Variants in NT5C2 observed in about 807,000 individuals in gnomAD.
NT5C2 encodes the protein 5'-nucleotidase, cytosolic II, also known as cytosolic purine 5'-nucleotidase.
NT5C2 carries 58 observed loss-of-function variants against 76.1 expected under a neutral mutation model. The ratio of observed to expected loss-of-function variants is 0.76; its 90% CI spans 0.62 to 0.95. The LOEUF (loss-of-function observed/expected upper bound fraction) is 0.95. Ranked by LOEUF, NT5C2 falls within the 40% of genes least tolerant of loss-of-function variation. NT5C2 has a pLI of 0.00. For missense variants in NT5C2, 478 were observed against 690.3 expected (o/e 0.69, Z 3.45); for synonymous variants, 229 against 237.4 (o/e 0.96, Z 0.32).
intron 3 of NT5C2, among the ~76,000 whole-genome samples, chr10:103,158,587 G>C (rs532176507): frequency 8.5e-5 from 13 of 152,192 alleles, no homozygotes; most frequent in African/African-American, 3.1e-4. Context: ...GAAGGCCAAG[G>C]CAGGCGATCA....
intron 4 of NT5C2, among the ~76,000 whole-genome samples, chr10:103,131,339 A>G (rs952454439): frequency 1.3e-5 from 2 of 152,254 alleles, no homozygotes; most frequent in African/African-American, 4.8e-5. Flanking sequence ...TTTATAGTTC[A>G]TTCTATGGTC....
chr10:103,129,629 G>C (rs1472697582), intron 4 of NT5C2, among the ~76,000 whole-genome samples: 1 of 103,342 alleles, frequency 9.7e-6, no homozygotes, highest in African/African-American at 3.9e-5. Context: ...AGGTGGGGGG[G>C]GGTCAGCCCC....
chr10:103,180,200 A>G (rs1259766881), intron 2 of NT5C2, among the ~76,000 whole-genome samples: 1 of 152,216 alleles, frequency 6.6e-6, no homozygotes, highest in African/African-American at 2.4e-5. Context: ...AAAACACAAT[A>G]AGATACCAAA....
chr10:103,145,352 G>C (rs117827023), intron 3 of NT5C2, among the ~76,000 whole-genome samples: 1 of 152,122 alleles, frequency 6.6e-6, no homozygotes, highest in South Asian at 2.1e-4. Flanking sequence ...GCAAAACAAA[G>C]TGTTAGGTAC....
chr10:103,160,097 T>C (rs1033059881), intron 3 of NT5C2, among the ~76,000 whole-genome samples: 18 of 152,338 alleles, frequency 1.2e-4, no homozygotes, highest in African/African-American at 4.1e-4. Flanking sequence ...CATACATCTA[T>C]GTTCAAATGA....
rs2081470315 is a variant in NT5C2, at chr10:103,146,310, C to A, written c.102-6831G>T. ...TTTCTTTGGCAATGGTGAACTTTAT[C>A]TGTAACTCCTCCCCTTGCCTAGGAG... On this transcript the variant is annotated intron_variant, in intron 3 of 18. Transcript: ENST00000404739. 3 of 985,448 alleles carry A rather than the reference C, an allele frequency of 3.0e-6. No individual in the cohort carries two copies. The South Asian group carries it at 1.4e-4, about 46-fold the overall frequency. The allele number at this position is 985,448 out of a possible 1,614,324, so 61.0% of individuals were successfully genotyped here. A position where few individuals can be genotyped will look rare whatever the true frequency, so the allele number is the denominator to read the frequency against.
chr10:103,090,147 G>A (rs1323144569), intron 18 of NT5C2: 4 of 436,680 alleles, frequency 9.2e-6, no homozygotes, highest in Middle Eastern at 5.8e-4. Context: ...AAGATGGAGA[G>A]GGGAGTTTAC....
At chr10:103,146,775 A>G (rs892156027) in intron 3 of NT5C2, among the ~76,000 whole-genome samples, 1 of 152,170 alleles carries the variant, frequency 6.6e-6, no homozygotes, top group Non-Finnish European at 1.5e-5. Flanking sequence ...CTTCCATTCA[A>G]TTCACAGTGC....
intron 4 of NT5C2, among the ~76,000 whole-genome samples, chr10:103,119,645 G>C (rs6584539): frequency 0.32 from 47,998 of 152,062 alleles, 7,663 homozygotes; most frequent in Middle Eastern, 0.36. Flanking sequence ...GAGACCTCTC[G>C]TCACAGTAAG....
chr10:103,106,771 G>T, intron 4 of NT5C2, 65 bp from the exon 5 acceptor site: 1 of 976,840 alleles, frequency 1.0e-6, no homozygotes, highest in Non-Finnish European at 1.6e-6. Context: ...GAATGCAAAT[G>T]AATGAATTTC....
At chr10:103,143,769 A>G (rs1163825597) in intron 3 of NT5C2, among the ~76,000 whole-genome samples, 1 of 151,992 alleles carries the variant, frequency 6.6e-6, no homozygotes, top group African/African-American at 2.4e-5. Flanking sequence ...CAGCCTGGGC[A>G]ATATAGTGAG....
chr10:103,171,456 T>C (rs929197567), intron 3 of NT5C2, among the ~76,000 whole-genome samples: 2 of 152,204 alleles, frequency 1.3e-5, no homozygotes, highest in Non-Finnish European at 2.9e-5. Context: ...CTTTTTCCTG[T>C]AGCCCAGAAA....
chr10:103,163,614 T>A (rs1235807018), intron 3 of NT5C2, among the ~76,000 whole-genome samples: 2 of 152,060 alleles, frequency 1.3e-5, no homozygotes, highest in Non-Finnish European at 2.9e-5. Flanking sequence ...ATTTTCATAT[T>A]GTTAAATTTT....
At chr10:103,148,369 G>A (rs2081855948) in intron 3 of NT5C2, among the ~76,000 whole-genome samples, 1 of 152,224 alleles carries the variant, frequency 6.6e-6, no homozygotes, top group African/African-American at 2.4e-5. Context: ...TTGGGAGGCT[G>A]AGGCGGGTGG....
chr10:103,173,742 TGG>T (rs1012917221), intron 3 of NT5C2, among the ~76,000 whole-genome samples: 70 of 147,974 alleles, frequency 4.7e-4, no homozygotes, highest in African/African-American at 1.6e-3. Flanking sequence ...CTGGCCAAGA[TGG>T]TGAAACCCTG....
intron 3 of NT5C2, among the ~76,000 whole-genome samples, chr10:103,159,225 AGAGT>A (rs1014434969): frequency 4.7e-5 from 7 of 150,006 alleles, no homozygotes; most frequent in African/African-American, 1.5e-4. Flanking sequence ...CCTAGGTAAC[AGAGT>A]GAGACCTCAT....
chr10:103,154,209 G>A (rs2082909485), intron 3 of NT5C2, among the ~76,000 whole-genome samples: 1 of 152,092 alleles, frequency 6.6e-6, no homozygotes, highest in Non-Finnish European at 1.5e-5. Context: ...TCCTCACGGT[G>A]ATTCAAATTA....
chr10:103,187,244 C>A (rs1366029587), intron 1 of NT5C2, among the ~76,000 whole-genome samples: 3 of 150,478 alleles, frequency 2.0e-5, no homozygotes, highest in Non-Finnish European at 4.4e-5. Context: ...AGAGAGACTC[C>A]ACCTTAAAAA....
In NT5C2 at chr10:103,094,034, G is replaced by A; in HGVS notation, c.926C>T (p.Thr309Ile). 5 of 1,613,058 alleles carry A rather than the reference G, an allele frequency of 3.1e-6. No homozygotes were observed. Among genetic ancestry groups the A allele is most frequent in the Non-Finnish European group, 4.2e-6 (5 of 1,179,060 alleles). ...GTAGGTACCAATTTTCAGCTTGCCA[G>A]TTTTCTGTATGAAGAATATGGATTT... Reference protein sequence around the residue: ...GTVLRQVDTKTGKLKIGTYTG... With the variant: ...GTVLRQVDTKIGKLKIGTYTG... The change falls in exon 14 of 19, where the codon ACT becomes ATT. Residue 309 changes from threonine to isoleucine, a missense_variant. Coordinates refer to ENST00000404739, the MANE Select transcript of NT5C2 (RefSeq NM_001351169.2).
Sources: allele counts gnomAD v4.1 joint callset (sites outside exome capture counted in the v4.1 genomes callset), GRCh38; gene constraint gnomAD v4.1.1; transcripts MANE v1.5; gene names NCBI Gene and HGNC (gene_info 2026-07-23, HGNC 2026-07-21).